GTF2F1: variants seen among roughly 807,000 people sequenced by gnomAD.
The protein encoded by GTF2F1 is general transcription factor IIF subunit 1.
Under a neutral mutation model 63.5 loss-of-function variants are expected in GTF2F1, and 39 were observed. The ratio of observed to expected loss-of-function variants is 0.61; its 90% confidence interval spans 0.48 to 0.80. The LOEUF (loss-of-function observed/expected upper bound fraction) is 0.80. GTF2F1 is among the 30% of genes least tolerant of loss of function. The probability of loss-of-function intolerance (pLI) is 0.00; values close to 1 mark genes in which losing one functional copy is unlikely to be tolerated. For synonymous variants in GTF2F1, 287 were observed against 285.3 expected (o/e 1.01, Z -0.06); for missense variants, 657 against 718.3 (o/e 0.91, Z 0.97).
intron 5 of GTF2F1, chr19:6,387,048 T>TC: frequency 3.5e-6 from 1 of 284,462 alleles, no homozygotes; most frequent in Non-Finnish European, 6.7e-6. Flanking sequence ...AGAGAAACCC[T>TC]CCTCGGGTGC....
Position 6,381,923 on chromosome 19 carries a change from C to T in GTF2F1, c.683-73G>A. On this transcript the variant is annotated intron_variant, in intron 6 of 12. Coordinates refer to ENST00000394456, the MANE Select transcript of GTF2F1 (RefSeq NM_002096.3). This position sits in a 1 kb window ranked among gnomAD's most constrained non-coding sequence, Gnocchi z 4.1. ...CAGTGGGTATTTATTGTGTTTTTCA[C>T]ATTTTGTGCAGTTTTGACATCCTGG... The T allele has an allele frequency of 3.0e-6, 4 of 1,344,040 alleles. No individual in the cohort carries two copies. The South Asian group carries it at 3.7e-5, about 12-fold the overall frequency. 83.3% of individuals were successfully genotyped at this position (1,344,040 alleles called of 1,614,324 possible).
chr19:6,383,549 G>C lies in GTF2F1; in HGVS notation c.498-54C>G, dbSNP rs2091963034. 3 of 1,570,562 alleles carry C rather than the reference G, an allele frequency of 1.9e-6. No homozygotes were observed. The highest frequency in any genetic ancestry group is 2.2e-5 in the South Asian group (2 of 90,282). ...CCGGGCCTGGCACCACCCTGCATCT[G>C]TGCTTGCAGGGGGCGAGCCCCAGGG... On this transcript the variant is annotated intron_variant, in intron 5 of 12. Transcript: ENST00000394456. The surrounding 1 kb of genome is among the most constrained non-coding windows in gnomAD (Gnocchi z 4.5).
Position 6,393,095 on chromosome 19 carries a change from G to T in GTF2F1, c.-100C>A. On this transcript the variant is annotated 5_prime_UTR_variant, in exon 1 of 13. Coordinates refer to ENST00000394456, the MANE Select transcript of GTF2F1 (RefSeq NM_002096.3). ...CCCGGGGAAGCCGCCGCTCGGTGTC[G>T]GGTCTCTGTGCCTGAGCGAGGACCC... 6.7e-7 allele frequency: 1 copy of T among 1,500,734 alleles called. No individual in the cohort carries two copies. The highest frequency in any genetic ancestry group is 9.2e-7 in the Non-Finnish European group (1 of 1,081,796). The allele number at this position is 1,500,734 out of a possible 1,614,324, so 93.0% of individuals were successfully genotyped here.
In GTF2F1 at chr19:6,383,605, G is replaced by T. The variant is rs1343533930; in HGVS notation, c.498-110C>A. 2 of 1,163,892 alleles carry T rather than the reference G, an allele frequency of 1.7e-6. No individual in the cohort carries two copies. Among genetic ancestry groups the T allele is most frequent in the Non-Finnish European group, 2.5e-6 (2 of 816,104 alleles). 72.1% of individuals were successfully genotyped at this position (1,163,892 alleles called of 1,614,324 possible). On this transcript the variant is annotated intron_variant, in intron 5 of 12. Transcript: ENST00000394456. This position sits in a 1 kb window ranked among gnomAD's most constrained non-coding sequence, Gnocchi z 4.5. ...CCCACATAGCCTTCAAGGTGATGTG[G>T]CCCCCGGGGACTTGGGCTGTGGCAC...
At chr19:6,389,266 C>CATAAATAAATAA (rs61290779) in intron 4 of GTF2F1, among the ~76,000 whole-genome samples, 178 bp downstream of exon 4, 3,208 of 151,076 alleles carry the variant, frequency 0.021, 58 homozygotes, top group Middle Eastern at 0.048. Flanking sequence ...AATAAGATAA[C>CATAAATAAATAA]ATAAATAAAT....
Position 6,381,343 on chromosome 19 carries a change from G to A in GTF2F1, c.1018+16C>T. ...CCCGACCCAAGCCTCCAATATGGGG[G>A]CCACATGCGCCGCACCTTTCCTGCG... On this transcript the variant is annotated intron_variant, in intron 9 of 12. Coordinates refer to ENST00000394456, the MANE Select transcript of GTF2F1 (RefSeq NM_002096.3). The surrounding 1 kb of genome is among the most constrained non-coding windows in gnomAD (Gnocchi z 4.1). 5 of 1,568,508 alleles carry A rather than the reference G, an allele frequency of 3.2e-6. No homozygotes were observed. The highest frequency in any genetic ancestry group is 4.3e-6 in the Non-Finnish European group (5 of 1,156,514).
At chr19:6,382,817 AAAG>A (rs1484556083) in intron 6 of GTF2F1, among the ~76,000 whole-genome samples, 1 of 151,244 alleles carries the variant, frequency 6.6e-6, no homozygotes, top group Non-Finnish European at 1.5e-5. Context: ...AAAAAAAAAA[AAAG>A]AAGGGCCATG....
In GTF2F1 at chr19:6,381,203, G is replaced by A. The variant is rs370175450; in HGVS notation, c.1019-8C>T. 10 of 1,604,076 alleles carry A rather than the reference G, an allele frequency of 6.2e-6. No individual in the cohort carries two copies. The African/African-American group carries it at 1.2e-4, about 19-fold the overall frequency. ...CCGACTCCTCGCTGCTGTCTGCGGG[G>A]CACAGGAAAGGGGTCAGGGCCAGAG... is the stretch of plus-strand genomic sequence containing the variant. On this transcript the variant is annotated splice_polypyrimidine_tract_variant and splice_region_variant and intron_variant, in intron 9 of 12. Transcript: ENST00000394456. This position sits in a 1 kb window ranked among gnomAD's most constrained non-coding sequence, Gnocchi z 4.1.
chr19:6,388,248 A>C (rs2091981540), intron 4 of GTF2F1, among the ~76,000 whole-genome samples: 1 of 152,126 alleles, frequency 6.6e-6, no homozygotes, highest in African/African-American at 2.4e-5. Flanking sequence ...GCCAAATCTG[A>C]AGTGGACACC....
chr19:6,383,560 G>C lies in GTF2F1; in HGVS notation c.498-65C>G. The C allele has an allele frequency of 6.4e-7, 1 of 1,553,788 alleles. No individual in the cohort carries two copies. The highest frequency in any genetic ancestry group is 1.1e-5 in the South Asian group (1 of 89,330). ...ACCACCCTGCATCTGTGCTTGCAGG[G>C]GGCGAGCCCCAGGGCACCACCCACA... On this transcript the variant is annotated intron_variant, in intron 5 of 12. Coordinates refer to ENST00000394456, the MANE Select transcript of GTF2F1 (RefSeq NM_002096.3). The surrounding 1 kb of genome is among the most constrained non-coding windows in gnomAD (Gnocchi z 4.5).
intron 4 of GTF2F1, among the ~76,000 whole-genome samples, chr19:6,388,450 C>T (rs1054478129): frequency 2.0e-5 from 3 of 152,206 alleles, no homozygotes; most frequent in Admixed American, 2.0e-4. Context: ...CTGTGTCTGT[C>T]ACTATCACCC....
At chr19:6,386,057 CAG>C (rs1777114677) in intron 5 of GTF2F1, among the ~76,000 whole-genome samples, 1 of 151,866 alleles carries the variant, frequency 6.6e-6, no homozygotes. Flanking sequence ...GCCTGGGTGA[CAG>C]AGCGAGATTC....
intron 6 of GTF2F1, among the ~76,000 whole-genome samples, chr19:6,382,916 C>G (rs1005202269): frequency 3.3e-5 from 5 of 151,660 alleles, no homozygotes; most frequent in Non-Finnish European, 7.4e-5. Flanking sequence ...ATTCTTTTTT[C>G]TCTGAGACGG....
intron 3 of GTF2F1, among the ~76,000 whole-genome samples, chr19:6,391,401 G>A (rs1024303405): frequency 2.0e-5 from 3 of 151,220 alleles, no homozygotes; most frequent in Non-Finnish European, 4.4e-5. Flanking sequence ...TAACTTACAG[G>A]GACACCCAGG....
intron 2 of GTF2F1, 101 bp from the exon 3 acceptor site, chr19:6,392,075 A>G (rs559185928): frequency 7.2e-6 from 5 of 692,720 alleles, no homozygotes; most frequent in African/African-American, 1.8e-5. Flanking sequence ...CAACCACCCA[A>G]CTGGATCGTT....
At position 6,380,332 on chromosome 19, in the gene GTF2F1, G is replaced by A. The variant is rs754798149; in HGVS notation, c.1503C>T (p.Asn501=). The A allele has an allele frequency of 2.5e-6, 4 of 1,614,020 alleles. No individual in the cohort carries two copies. Among genetic ancestry groups the A allele is most frequent in the African/African-American group, 1.3e-5 (1 of 74,898 alleles). ...NVLAQILKRL[N]PERKMINDKM... ...TGTCGTTGATCATCTTGCGCTCGGG[G>A]TTGAGTCGCTTGAGGATCTGGGCCA... Residue 501 remains asparagine (N), a synonymous_variant, in exon 13 of 13, where the codon AAC becomes AAT. Transcript: ENST00000394456. This position sits in a 1 kb window ranked among gnomAD's most constrained non-coding sequence, Gnocchi z 5.3.
chr19:6,385,774 C>T (rs943101442), intron 5 of GTF2F1, among the ~76,000 whole-genome samples: 2 of 152,108 alleles, frequency 1.3e-5, no homozygotes, highest in Non-Finnish European at 2.9e-5. Flanking sequence ...AATTTTAAAA[C>T]CAAAGAAAAT....
chr19:6,392,565 G>A (rs1004870506), intron 2 of GTF2F1, among the ~76,000 whole-genome samples: 7 of 152,234 alleles, frequency 4.6e-5, no homozygotes, highest in Non-Finnish European at 1.0e-4. Context: ...CTTTGAAACA[G>A]GACGAGGAAT....
chr19:6,391,282 C>A (rs535213615), intron 3 of GTF2F1, among the ~76,000 whole-genome samples: 1 of 152,254 alleles, frequency 6.6e-6, no homozygotes, highest in South Asian at 2.1e-4. Context: ...AAGCCCCCAG[C>A]CCAGTCCCCT....
Sources: gnomAD v4.1 joint callset for allele counts (sites outside exome capture counted in the v4.1 genomes callset) on GRCh38, gnomAD v4.1.1 for gene constraint, Gnocchi (gnomAD v3.1) non-coding constraint, MANE v1.5 for transcripts, NCBI Gene and HGNC (gene_info 2026-07-23, HGNC 2026-07-21) for gene names.